The following ROBO2 variants were observed in gnomAD, a reference collection of about 807,000 sequenced individuals.
The protein encoded by ROBO2 is roundabout homolog 2.
A neutral mutation model predicts 160.8 loss-of-function variants in ROBO2; 53 were observed. The ratio of observed to expected loss-of-function variants is 0.33; its 90% confidence interval spans 0.26 to 0.41. The LOEUF is 0.41. Among genes scored for constraint, ROBO2 ranks in the 10% least tolerant of loss-of-function variants. ROBO2 has a pLI of 1.00. For synonymous variants in ROBO2, 664 were observed against 611.7 expected (o/e 1.09, Z -1.26); for missense variants, 1,577 against 1,722.4 (o/e 0.92, Z 1.49).
intron 21 of ROBO2, among the ~76,000 whole-genome samples, chr3:77,610,117 T>C (rs149701316): frequency 1.3e-5 from 2 of 151,968 alleles, no homozygotes; most frequent in Admixed American, 6.6e-5. Flanking sequence ...TATACTTTTA[T>C]ATTTTCTAAT....
At chr3:76,411,127 C>G (rs896818371) in intron 2 of ROBO2, among the ~76,000 whole-genome samples, 1 of 151,996 alleles carries the variant, frequency 6.6e-6, no homozygotes, top group Non-Finnish European at 1.5e-5. Context: ...ATGAACAAAA[C>G]TTGGCAGAGT....
chr3:77,554,363 A>G (rs980505601), intron 8 of ROBO2, among the ~76,000 whole-genome samples: 1 of 151,972 alleles, frequency 6.6e-6, no homozygotes, highest in Non-Finnish European at 1.5e-5. Flanking sequence ...TATACCTGTT[A>G]ACACAACATC....
exon 26 of ROBO2, chr3:77,649,812 T>TTAAG (rs2095436755): frequency 6.6e-6 from 1 of 152,172 alleles, no homozygotes; most frequent in African/African-American, 2.4e-5. Context: ...TGTAGTTTGT[T>TTAAG]TAAGTCACCA....
chr3:76,791,468 TTCTC>T (rs916954093), intron 2 of ROBO2, among the ~76,000 whole-genome samples: 1 of 148,822 alleles, frequency 6.7e-6, no homozygotes, highest in East Asian at 2.0e-4. Context: ...TCTCTCTCTT[TTCTC>T]TCTCTCTCTC....
intron 13 of ROBO2, among the ~76,000 whole-genome samples, chr3:77,570,908 C>T (rs942425673): frequency 4.6e-5 from 7 of 152,030 alleles, no homozygotes; most frequent in Middle Eastern, 3.4e-3. Flanking sequence ...AGAGACCATT[C>T]GCTGTCCCCC....
chr3:76,522,033 A>C (rs2081648731), intron 2 of ROBO2, among the ~76,000 whole-genome samples: 1 of 152,154 alleles, frequency 6.6e-6, no homozygotes, highest in Admixed American at 6.5e-5. Flanking sequence ...ATTTTGTGTA[A>C]TCCTTCATCT....
chr3:77,229,864 T>A (rs182294625), intron 2 of ROBO2, among the ~76,000 whole-genome samples: 1 of 152,162 alleles, frequency 6.6e-6, no homozygotes, highest in Non-Finnish European at 1.5e-5. Flanking sequence ...CAATTTATTA[T>A]TGAGATTCCC....
intron 2 of ROBO2, among the ~76,000 whole-genome samples, chr3:76,619,232 T>G (rs13061384): frequency 6.7e-6 from 1 of 150,062 alleles, no homozygotes; most frequent in Non-Finnish European, 1.5e-5. Flanking sequence ...CCCAGCTACT[T>G]GGGAGGCTGA....
At chr3:77,610,634 A>C (rs1291353782) in intron 21 of ROBO2, among the ~76,000 whole-genome samples, 6 of 151,918 alleles carry the variant, frequency 3.9e-5, no homozygotes, top group African/African-American at 1.5e-4. Context: ...GTCTCTGTCC[A>C]AAAGTGGTCT....
chr3:77,491,374 A>G (rs1456120538), intron 4 of ROBO2, among the ~76,000 whole-genome samples: 1 of 152,148 alleles, frequency 6.6e-6, no homozygotes, highest in Admixed American at 6.5e-5. Flanking sequence ...CCTCTTTAAC[A>G]TTGGGTTAAT....
At chr3:77,094,621 A>C (rs1330489967) in intron 1 of ROBO2, among the ~76,000 whole-genome samples, 2 of 152,320 alleles carry the variant, frequency 1.3e-5, no homozygotes, top group South Asian at 2.1e-4. Context: ...TTGTTTTCCA[A>C]AGTGACTGTA....
intron 2 of ROBO2, among the ~76,000 whole-genome samples, chr3:77,141,941 C>T (rs576207198): frequency 8.8e-4 from 134 of 152,236 alleles, no homozygotes; most frequent in African/African-American, 3.0e-3. Flanking sequence ...CAAATTATTC[C>T]GTTAATGTAG....
chr3:76,019,075 C>G (rs1359725053), intron 2 of ROBO2, among the ~76,000 whole-genome samples: 1 of 149,046 alleles, frequency 6.7e-6, no homozygotes, highest in Non-Finnish European at 1.5e-5. Flanking sequence ...ATGGCCTCCC[C>G]ACATGGTTTG....
chr3:76,350,305 C>T (rs2074796065), intron 2 of ROBO2, among the ~76,000 whole-genome samples: 1 of 152,040 alleles, frequency 6.6e-6, no homozygotes, highest in Non-Finnish European at 1.5e-5. Flanking sequence ...ACATTTACAT[C>T]TGTTTTCCAT....
intron 2 of ROBO2, among the ~76,000 whole-genome samples, chr3:77,225,172 T>C (rs752709842): frequency 2.0e-5 from 3 of 151,914 alleles, no homozygotes; most frequent in Non-Finnish European, 4.4e-5. Context: ...TATACTTCAT[T>C]GTTCACAAAA....
chr3:76,857,506 G>T, intron 2 of ROBO2, among the ~76,000 whole-genome samples: 1 of 152,194 alleles, frequency 6.6e-6, no homozygotes, highest in East Asian at 1.9e-4. Flanking sequence ...CACAATTTAT[G>T]ACATACCGAT....
exon 6 of ROBO2, chr3:77,522,790 C>G (rs201344460): frequency 2.5e-6 from 4 of 1,608,522 alleles, no homozygotes; most frequent in Non-Finnish European, 3.4e-6. Context: ...ACATCAAAGA[C>G]GATTACACAC....
At chr3:76,516,972 A>G (rs568713890) in intron 2 of ROBO2, among the ~76,000 whole-genome samples, 3 of 152,192 alleles carry the variant, frequency 2.0e-5, no homozygotes, top group Non-Finnish European at 4.4e-5. Context: ...TTGCACAGTG[A>G]AAGAATGGAG....
At chr3:76,741,856 C>T (rs533071602) in intron 2 of ROBO2, among the ~76,000 whole-genome samples, 1 of 151,906 alleles carries the variant, frequency 6.6e-6, no homozygotes, top group East Asian at 1.9e-4. Flanking sequence ...TTCTGAATGT[C>T]CAAGTTTTAT....
Sources: allele counts gnomAD v4.1 joint callset (sites outside exome capture counted in the v4.1 genomes callset), GRCh38; gene constraint gnomAD v4.1.1; transcripts MANE v1.5; gene names NCBI Gene and HGNC (gene_info 2026-07-23, HGNC 2026-07-21).